PBX3: variants seen among roughly 807,000 people sequenced by gnomAD.
The protein encoded by PBX3 is PBX homeobox 3.
PBX3 carries 14 observed loss-of-function variants against 48.5 expected under a neutral mutation model. The observed-to-expected ratio is 0.29, with a 90% CI of 0.19 to 0.45. The LOEUF (loss-of-function observed/expected upper bound fraction) is 0.45, where lower values mean the gene tolerates loss of function less well. PBX3 is among the 20% of genes least tolerant of loss of function. PBX3 has a pLI of 1.00. For missense variants in PBX3, 386 were observed against 546.7 expected (o/e 0.71, Z 2.93); for synonymous variants, 210 against 200.3 (o/e 1.05, Z -0.41).
At chr9:125,777,900 A>G (rs1469279596) in intron 2 of PBX3, among the ~76,000 whole-genome samples, 1 of 148,734 alleles carries the variant, frequency 6.7e-6, no homozygotes, top group Non-Finnish European at 1.5e-5. Flanking sequence ...AATCCATTTT[A>G]TTTCTGTAAG....
At chr9:125,856,144 TAATG>T (rs1195677558) in intron 2 of PBX3, among the ~76,000 whole-genome samples, 9 of 152,154 alleles carry the variant, frequency 5.9e-5, no homozygotes, top group African/African-American at 9.7e-5. Context: ...TAAAGTAATT[TAATG>T]AATGTCATAA....
chr9:125,785,321 C>T (rs1005514032), intron 2 of PBX3, among the ~76,000 whole-genome samples: 7 of 152,128 alleles, frequency 4.6e-5, no homozygotes, highest in Admixed American at 2.0e-4. Flanking sequence ...TTACCCTCAG[C>T]GTGGGTGGGC....
intron 2 of PBX3, among the ~76,000 whole-genome samples, chr9:125,874,709 A>G (rs763157069): frequency 9.9e-5 from 15 of 152,198 alleles, no homozygotes; most frequent in Admixed American, 9.2e-4. Context: ...AAGAATGAGG[A>G]GCAACAGAAA....
chr9:125,760,326 A>C (rs919621037), intron 2 of PBX3, among the ~76,000 whole-genome samples: 4 of 151,928 alleles, frequency 2.6e-5, no homozygotes, highest in Non-Finnish European at 4.4e-5. Flanking sequence ...TAATGATTTA[A>C]CTCTTTTAAA....
At chr9:125,870,798 A>T (rs1333511100) in intron 2 of PBX3, among the ~76,000 whole-genome samples, 1 of 152,260 alleles carries the variant, frequency 6.6e-6, no homozygotes, top group Admixed American at 6.5e-5. Flanking sequence ...AATTTTGATT[A>T]TCAGGAAATA....
intron 2 of PBX3, among the ~76,000 whole-genome samples, chr9:125,849,180 TC>T (rs1189252018): frequency 6.6e-6 from 1 of 151,968 alleles, no homozygotes; most frequent in Non-Finnish European, 1.5e-5. Context: ...AAGGGCTTTT[TC>T]TATAAGCATT....
chr9:125,887,041 T>C (rs1489142518), intron 2 of PBX3, among the ~76,000 whole-genome samples: 3 of 152,178 alleles, frequency 2.0e-5, no homozygotes, highest in Non-Finnish European at 2.9e-5. Context: ...TTGTCACATA[T>C]CATGGAAGAA....
At chr9:125,873,966 G>C (rs992701267) in intron 2 of PBX3, among the ~76,000 whole-genome samples, 2 of 151,910 alleles carry the variant, frequency 1.3e-5, no homozygotes, top group Non-Finnish European at 2.9e-5. Context: ...CAAAAAAGAA[G>C]GAAAGAAGGA....
At position 125,791,519 on chromosome 9, in the gene PBX3, C is replaced by T. The variant is rs12344383; in HGVS notation, c.274+42896C>T. Among the ~76,000 whole-genome samples, 979 of 152,170 alleles carry T rather than the reference C, an allele frequency of 6.4e-3. 12 individuals are homozygous for T. Among genetic ancestry groups the T allele is most frequent in the African/African-American group, 0.022 (927 of 41,516 alleles). ...TCTTATGGTAGTGAGTGAGTTCTCA[C>T]GAGATCTGGTTATTTAAAAGTATGT... On this transcript the variant is annotated intron_variant, in intron 2 of 8. Coordinates refer to ENST00000373489, the MANE Select transcript of PBX3 (RefSeq NM_006195.6).
At chr9:125,882,515 T>C (rs1840406139) in intron 2 of PBX3, among the ~76,000 whole-genome samples, 1 of 152,220 alleles carries the variant, frequency 6.6e-6, no homozygotes, top group African/African-American at 2.4e-5. Context: ...GTTGGGTATT[T>C]GTAAAGAAGG....
At chr9:125,927,137 G>A (rs887203114) in intron 3 of PBX3, among the ~76,000 whole-genome samples, 1 of 152,160 alleles carries the variant, frequency 6.6e-6, no homozygotes, top group African/African-American at 2.4e-5. Context: ...CTTCTCTTAT[G>A]ATTCAGGGAT....
At chr9:125,950,689 C>G (rs1378874641) in intron 5 of PBX3, among the ~76,000 whole-genome samples, 2 of 152,070 alleles carry the variant, frequency 1.3e-5, no homozygotes, top group Non-Finnish European at 2.9e-5. Context: ...ACCATGTTGG[C>G]CAGGCTGGTC....
rs1179896723 is a variant in PBX3, at chr9:125,791,301, G to GTCTGTCTGTCTGTCTA, written c.274+42681_274+42682insGTCTGTCTGTCTATCT. Among the ~76,000 whole-genome samples, 28 of 109,018 alleles carry GTCTGTCTGTCTGTCTA rather than the reference G, an allele frequency of 2.6e-4. No individual in the cohort carries two copies. In the East Asian group the frequency reaches 5.1e-3, roughly 20 times the overall value. 71.5% of individuals were successfully genotyped at this position (109,018 alleles called of 152,430 possible). A position where few individuals can be genotyped will look rare whatever the true frequency, so the allele number is the denominator to read the frequency against. On this transcript the variant is annotated intron_variant, in intron 2 of 8. Coordinates refer to ENST00000373489, the MANE Select transcript of PBX3 (RefSeq NM_006195.6). ...TTTTTATCTGTCTGTCTGTCTGTCT[G>GTCTGTCTGTCTGTCTA]TCTATCTATCTATCTATCTATCTAT...
intron 5 of PBX3, 142 bp from the exon 6 acceptor site, chr9:125,960,542 A>T: frequency 1.5e-6 from 1 of 681,632 alleles, no homozygotes; most frequent in Non-Finnish European, 2.6e-6. Context: ...CAAAACCATT[A>T]TGCATGATCC....
At chr9:125,949,388 A>G (rs1588331155) in intron 5 of PBX3, 1 of 1,550,874 alleles carries the variant, frequency 6.4e-7, no homozygotes, top group South Asian at 1.2e-5. Context: ...AGTCTTGTAA[A>G]GGATCCAAAA....
At chr9:125,862,024 T>G (rs1490002801) in intron 2 of PBX3, among the ~76,000 whole-genome samples, 1 of 152,220 alleles carries the variant, frequency 6.6e-6, no homozygotes, top group East Asian at 1.9e-4. Context: ...AGGAGACATA[T>G]CATTTCATTG....
At chr9:125,758,926 C>T (rs1342202163) in intron 2 of PBX3, among the ~76,000 whole-genome samples, 2 of 151,960 alleles carry the variant, frequency 1.3e-5, no homozygotes. Context: ...TAGCAATGCT[C>T]CAAGGTAGGT....
chr9:125,949,990 A>G (rs1465989456), intron 5 of PBX3, among the ~76,000 whole-genome samples: 4 of 141,456 alleles, frequency 2.8e-5, no homozygotes, highest in Non-Finnish European at 4.4e-5. Flanking sequence ...TCTGTCAAAG[A>G]GGCTCTCCAT....
chr9:125,832,820 G>T (rs570907186), intron 2 of PBX3, among the ~76,000 whole-genome samples: 1 of 152,090 alleles, frequency 6.6e-6, no homozygotes, highest in Non-Finnish European at 1.5e-5. Flanking sequence ...TCATATAGCT[G>T]CTGATCACAG....
Sources: allele counts gnomAD v4.1 joint callset (sites outside exome capture counted in the v4.1 genomes callset), GRCh38; gene constraint gnomAD v4.1.1; transcripts MANE v1.5; gene names NCBI Gene and HGNC (gene_info 2026-07-23, HGNC 2026-07-21).